The following SLC7A11 variants were observed in gnomAD, a reference collection of about 807,000 sequenced individuals.
SLC7A11 encodes cystine/glutamate transporter.
SLC7A11 carries 35 observed loss-of-function variants against 54.5 expected under a neutral mutation model. That is an observed-to-expected ratio of 0.64 (90% CI 0.49 to 0.85). The LOEUF is 0.85. Ranked by LOEUF, SLC7A11 falls within the 40% of genes least tolerant of loss-of-function variation. The pLI is 0.00. For missense variants in SLC7A11, 583 were observed against 618.1 expected, an observed-to-expected ratio of 0.94 and a Z score of 0.60; for synonymous variants, 230 against 225.2, an observed-to-expected ratio of 1.02 and a Z score of -0.19.
intron 6 of SLC7A11, among the ~76,000 whole-genome samples, chr4:138,212,975 G>A (rs976909823): frequency 8.6e-5 from 13 of 151,884 alleles, no homozygotes; most frequent in African/African-American, 2.2e-4. Context: ...TTTATTTCCC[G>A]TAATAGAAAT....
chr4:138,224,807 G>A (rs1489958505), intron 3 of SLC7A11, among the ~76,000 whole-genome samples: 1 of 124,992 alleles, frequency 8.0e-6, no homozygotes, highest in Non-Finnish European at 1.7e-5. Context: ...AAGAAGGAAG[G>A]AAGGATGAAA....
intron 11 of SLC7A11, among the ~76,000 whole-genome samples, chr4:138,172,529 C>T (rs1736453354): frequency 6.6e-6 from 1 of 152,112 alleles, no homozygotes; most frequent in Non-Finnish European, 1.5e-5. Context: ...ATCAGTGATT[C>T]TCAAAGTGCG....
chr4:138,221,691 C>T (rs1737816518), intron 4 of SLC7A11, among the ~76,000 whole-genome samples: 1 of 152,112 alleles, frequency 6.6e-6, no homozygotes, highest in South Asian at 2.1e-4. Flanking sequence ...AAGGAATTTG[C>T]AATAGAGCAA....
In SLC7A11 at chr4:138,219,292, A is replaced by C; in HGVS notation, c.720T>G (p.Tyr240Ter). 1.9e-6 allele frequency: 3 copies of C among 1,608,472 alleles called. No homozygotes were observed. Among genetic ancestry groups the C allele is most frequent in the Non-Finnish European group, 2.6e-6 (3 of 1,175,006 alleles). ...AGCCAGCATATGCATACATTCCATA[A>C]TAAAAAGCCAGTGGCAACCGCGTAA... is the stretch of plus-strand genomic sequence containing the variant. Reference protein sequence around the residue: ...SSITRLPLAFYYGMYAYAGWF... With the variant: ...SSITRLPLAF The change falls in exon 5 of 12, where the codon TAT (tyrosine) becomes TAG (stop). Residue 240 changes from tyrosine (Y) to a stop codon, truncating the protein, a stop_gained. Coordinates refer to ENST00000280612, the MANE Select transcript of SLC7A11 (RefSeq NM_014331.4). LOFTEE classifies it high-confidence loss of function.
chr4:138,212,638 A>AT (rs1578657148), intron 6 of SLC7A11, among the ~76,000 whole-genome samples: 1 of 151,880 alleles, frequency 6.6e-6, no homozygotes, highest in African/African-American at 2.4e-5. Context: ...ACAATCCTTA[A>AT]TTGGAACACA....
chr4:138,202,175 T>C (rs1223018600), intron 6 of SLC7A11, among the ~76,000 whole-genome samples: 1 of 152,112 alleles, frequency 6.6e-6, no homozygotes, highest in African/African-American at 2.4e-5. Flanking sequence ...TCTGTGGGCA[T>C]ATATAATAAA....
At chr4:138,203,079 G>A (rs980573419) in intron 6 of SLC7A11, among the ~76,000 whole-genome samples, 1 of 151,790 alleles carries the variant, frequency 6.6e-6, no homozygotes, top group Non-Finnish European at 1.5e-5. Context: ...TCTAACTAAG[G>A]ACTTCCTTTA....
intron 2 of SLC7A11, among the ~76,000 whole-genome samples, chr4:138,233,802 T>C (rs1385930499): frequency 6.6e-6 from 1 of 152,214 alleles, no homozygotes; most frequent in Non-Finnish European, 1.5e-5. Context: ...AGCCTTCACA[T>C]TGCATTCAAG....
intron 6 of SLC7A11, among the ~76,000 whole-genome samples, chr4:138,189,653 C>T (rs1736961197): frequency 6.6e-6 from 1 of 152,144 alleles, no homozygotes; most frequent in South Asian, 2.1e-4. Flanking sequence ...GCCAAGTATA[C>T]TTTTCTTCAC....
intron 3 of SLC7A11, among the ~76,000 whole-genome samples, chr4:138,225,710 G>A (rs1428715557): frequency 3.9e-5 from 6 of 151,934 alleles, no homozygotes; most frequent in Non-Finnish European, 8.8e-5. Context: ...GTTCAACGTT[G>A]GTGTAAAAGT....
At chr4:138,213,774 C>T (rs1424498934) in intron 6 of SLC7A11, among the ~76,000 whole-genome samples, 1 of 152,056 alleles carries the variant, frequency 6.6e-6, no homozygotes, top group Non-Finnish European at 1.5e-5. Context: ...TAAAATACTT[C>T]AAGACAAGTC....
In SLC7A11 at chr4:138,217,827, T is replaced by C. The variant is rs544236448; in HGVS notation, c.746+1439A>G. Among the ~76,000 whole-genome samples the C allele has an allele frequency of 2.0e-5, 3 of 152,328 alleles. No individual in the cohort carries two copies. In the East Asian group the frequency reaches 5.8e-4, roughly 29 times the overall value. Reference sequence around the variant, plus strand: ...GCACAGAGCTCTGATCCAGGCTGAATAGCCATAGAACAGTTGATTCTGCTT... The same window carrying C: ...GCACAGAGCTCTGATCCAGGCTGAACAGCCATAGAACAGTTGATTCTGCTT... On this transcript the variant is annotated intron_variant, in intron 5 of 11. Coordinates refer to ENST00000280612, the MANE Select transcript of SLC7A11 (RefSeq NM_014331.4).
At chr4:138,214,779 C>A in intron 5 of SLC7A11, 150 bp from the exon 6 acceptor site, 1 of 345,922 alleles carries the variant, frequency 2.9e-6, no homozygotes. Flanking sequence ...TAAATACTCC[C>A]ATAAGTCATT....
rs550180640 is a variant in SLC7A11, at chr4:138,165,151, C to A, written c.*6805G>T. ...GAAAATGAAGTTACCATTCCTAGGC[C>A]AAATTTTTAGACAAAGCTTTCTAAA... On this transcript the variant is annotated 3_prime_UTR_variant, in exon 12 of 12. Coordinates refer to ENST00000280612, the MANE Select transcript of SLC7A11 (RefSeq NM_014331.4). 2.1e-4 allele frequency: 32 copies of A among 152,606 alleles called. No individual in the cohort carries two copies. The highest frequency in any genetic ancestry group is 6.3e-4 in the African/African-American group (26 of 41,540). The allele number at this position is 152,606 out of a possible 1,614,324, so 9.5% of individuals were successfully genotyped here.
In SLC7A11 at chr4:138,165,099, A is replaced by G. The variant is rs189189453; in HGVS notation, c.*6857T>C. 3.9e-5 allele frequency: 6 copies of G among 152,572 alleles called. No homozygotes were observed. The highest frequency in any genetic ancestry group is 1.3e-4 in the Admixed American group (2 of 15,272). 9.5% of individuals were successfully genotyped at this position (152,572 alleles called of 1,614,324 possible). A position where few individuals can be genotyped will look rare whatever the true frequency, so the allele number is the denominator to read the frequency against. ...TGTTAACATAAACATAACAACACAC[A>G]TATTATTTTTCTACCCCTTGGCAAC... On this transcript the variant is annotated 3_prime_UTR_variant, in exon 12 of 12. Transcript: ENST00000280612.
chr4:138,194,373 T>G (rs1304833247), intron 6 of SLC7A11, among the ~76,000 whole-genome samples: 6 of 152,144 alleles, frequency 3.9e-5, no homozygotes, highest in Non-Finnish European at 7.4e-5. Context: ...AAGTTAAAAC[T>G]TTTGAAAAAT....
Position 138,170,112 on chromosome 4 carries a change from CA to C in SLC7A11, c.*1843del. 1 of 149,160 alleles carries C rather than the reference CA, an allele frequency of 6.7e-6. No homozygotes were observed. The highest frequency in any genetic ancestry group is 2.5e-5 in the African/African-American group (1 of 40,740). 9.2% of individuals were successfully genotyped at this position (149,160 alleles called of 1,614,324 possible). ...AATGGACAAAAATTAAAGGATGAAA[CA>C]TACTCTGGCCATGACTAACCATTTT... is the stretch of plus-strand genomic sequence containing the variant. On this transcript the variant is annotated 3_prime_UTR_variant, in exon 12 of 12. Transcript: ENST00000280612.
chr4:138,237,717 ATATATATATATATATATATATTTTTT>A lies in SLC7A11; in HGVS notation c.278-1292_278-1267del, dbSNP rs1320349721. Among the ~76,000 whole-genome samples the A allele has an allele frequency of 7.8e-3, 49 of 6,320 alleles. 2 individuals carry two copies. The highest frequency in any genetic ancestry group is 0.021 in the African/African-American group (44 of 2,132). The allele number at this position is 6,320 out of a possible 152,430, so 4.1% of individuals were successfully genotyped here. A position where few individuals can be genotyped will look rare whatever the true frequency, so the allele number is the denominator to read the frequency against. ...CTAGCCAGAATATATATATATATAT[ATATATATATATATATATATATTTTTT>A]TTTTTTTTTTTTTTTTTTTTTTTTT... On this transcript the variant is annotated intron_variant, in intron 1 of 11. Coordinates refer to ENST00000280612, the MANE Select transcript of SLC7A11 (RefSeq NM_014331.4).
At chr4:138,198,359 A>C (rs1737190754) in intron 6 of SLC7A11, among the ~76,000 whole-genome samples, 1 of 152,162 alleles carries the variant, frequency 6.6e-6, no homozygotes, top group Admixed American at 6.6e-5. Flanking sequence ...ATAATAGATA[A>C]AGAATCAATA....
Sources: gnomAD v4.1 joint callset for allele counts (sites outside exome capture counted in the v4.1 genomes callset) on GRCh38, gnomAD v4.1.1 for gene constraint, MANE v1.5 for transcripts, NCBI Gene and HGNC (gene_info 2026-07-23, HGNC 2026-07-21) for gene names.